The following MGAT4C variants were observed in gnomAD, a reference collection of about 807,000 sequenced individuals.
MGAT4C encodes MGAT4 family member C.
In MGAT4C, 19 loss-of-function variants were observed where a neutral mutation model predicts 40.1. The ratio of observed to expected loss-of-function variants is 0.47; its 90% confidence interval spans 0.33 to 0.70. The LOEUF (loss-of-function observed/expected upper bound fraction) is 0.70. Ranked by LOEUF, MGAT4C falls within the 30% of genes least tolerant of loss-of-function variation. The pLI is 0.02. For synonymous variants in MGAT4C, 181 were observed against 187.1 expected (o/e 0.97, Z 0.27); for missense variants, 491 against 563.2 (o/e 0.87, Z 1.30).
At chr12:86,771,218 C>A (rs1951629090) in intron 1 of MGAT4C, among the ~76,000 whole-genome samples, 1 of 152,082 alleles carries the variant, frequency 6.6e-6, no homozygotes, top group Non-Finnish European at 1.5e-5. Flanking sequence ...AGACTCCTAG[C>A]CTACAGAATT....
Position 85,960,032 on chromosome 12 carries a change from G to A in MGAT4C, c.*19257C>T, listed in dbSNP as rs1031586646. ...CAAATAGCTATATAAAATGCAATTC[G>A]GTATTAAAGAAAATTGTTGCACGGA... On this transcript the variant is annotated 3_prime_UTR_variant, in exon 5 of 5. Coordinates refer to ENST00000611864, the MANE Select transcript of MGAT4C (RefSeq NM_001351288.2). 1.3e-5 allele frequency: 2 copies of A among 151,660 alleles called. No homozygotes were observed. The highest frequency in any genetic ancestry group is 2.4e-5 in the African/African-American group (1 of 41,308). 9.4% of individuals were successfully genotyped at this position (151,660 alleles called of 1,614,324 possible).
In MGAT4C at chr12:85,973,070, G is replaced by A. The variant is rs1300044696; in HGVS notation, c.*6219C>T. 1 of 150,678 alleles carries A rather than the reference G, an allele frequency of 6.6e-6. No individual in the cohort carries two copies. The highest frequency in any genetic ancestry group is 6.6e-5 in the Admixed American group (1 of 15,084). The allele number at this position is 150,678 out of a possible 1,614,324, so 9.3% of individuals were successfully genotyped here. ...GTTACAAAAAAAGTACTTTTTAAATGTCTAGTTTCTAATAGAGTTAGAGCT... is the reference window on the plus strand; with the variant it reads ...GTTACAAAAAAAGTACTTTTTAAATATCTAGTTTCTAATAGAGTTAGAGCT... On this transcript the variant is annotated 3_prime_UTR_variant, in exon 5 of 5. Transcript: ENST00000611864.
chr12:86,295,716 A>G (rs1039798002), intron 4 of MGAT4C, among the ~76,000 whole-genome samples: 6 of 152,092 alleles, frequency 3.9e-5, no homozygotes, highest in African/African-American at 1.2e-4. Flanking sequence ...ACAATCCCTG[A>G]GCTAGATACA....
intron 2 of MGAT4C, among the ~76,000 whole-genome samples, chr12:86,549,745 T>C (rs1267886807): frequency 1.5e-4 from 23 of 152,122 alleles, no homozygotes; most frequent in Admixed American, 1.5e-3. Flanking sequence ...AGCTAAGATT[T>C]GACTGGAGGG....
intron 2 of MGAT4C, among the ~76,000 whole-genome samples, chr12:86,453,883 C>T (rs1284567612): frequency 2.6e-5 from 4 of 151,894 alleles, no homozygotes; most frequent in Non-Finnish European, 1.5e-5. Flanking sequence ...ATCAACTCTC[C>T]ATATCAAATT....
chr12:86,191,408 A>G (rs1420523611), intron 1 of MGAT4C, among the ~76,000 whole-genome samples: 1 of 151,926 alleles, frequency 6.6e-6, no homozygotes, highest in African/African-American at 2.4e-5. Flanking sequence ...CATTGAAAAT[A>G]TCTCCTAATC....
At chr12:86,656,220 T>C (rs1963846708) in intron 2 of MGAT4C, among the ~76,000 whole-genome samples, 1 of 152,060 alleles carries the variant, frequency 6.6e-6, no homozygotes, top group South Asian at 2.1e-4. Flanking sequence ...CATATTATGT[T>C]ACTGATAAAT....
At chr12:86,704,461 A>C (rs963234264) in intron 2 of MGAT4C, among the ~76,000 whole-genome samples, 3 of 152,272 alleles carry the variant, frequency 2.0e-5, no homozygotes, top group African/African-American at 7.2e-5. Flanking sequence ...GTTATTTTAT[A>C]ATTTTTATTA....
chr12:86,800,402 G>A (rs1253318048), intron 1 of MGAT4C, among the ~76,000 whole-genome samples: 3 of 151,816 alleles, frequency 2.0e-5, no homozygotes, highest in Non-Finnish European at 4.4e-5. Flanking sequence ...TTTGTGACCT[G>A]CTTGCCTTCT....
chr12:86,421,514 G>A (rs983966770), intron 3 of MGAT4C, among the ~76,000 whole-genome samples: 6 of 152,196 alleles, frequency 3.9e-5, no homozygotes, highest in African/African-American at 1.4e-4. Context: ...GCTCACGCCT[G>A]TAGTCCCAGC....
intron 1 of MGAT4C, among the ~76,000 whole-genome samples, chr12:86,237,399 T>C (rs1193510808): frequency 6.6e-6 from 1 of 151,858 alleles, no homozygotes; most frequent in Non-Finnish European, 1.5e-5. Context: ...GTACCGAGCA[T>C]GCTTTAAACA....
intron 2 of MGAT4C, among the ~76,000 whole-genome samples, chr12:86,004,705 T>C (rs1337612897): frequency 1.3e-5 from 2 of 152,198 alleles, no homozygotes; most frequent in African/African-American, 4.8e-5. Context: ...TTTGACAGTT[T>C]GTTGGTTCTT....
chr12:86,792,323 GA>G (rs760576047), intron 1 of MGAT4C, among the ~76,000 whole-genome samples: 3 of 152,014 alleles, frequency 2.0e-5, no homozygotes, highest in Non-Finnish European at 4.4e-5. Context: ...AAATATAGAA[GA>G]AAATGTATCC....
chr12:86,165,013 A>C lies in MGAT4C; in HGVS notation c.-57+91226T>G, dbSNP rs183339478. On this transcript the variant is annotated intron_variant, in intron 1 of 4. Coordinates refer to ENST00000611864, the MANE Select transcript of MGAT4C (RefSeq NM_001351288.2). Reference sequence around the variant, plus strand: ...GGGACATATGGTTGTTAAAATGAGTAGTCCATTCAGGTTTAAAATGATATT... The same window carrying C: ...GGGACATATGGTTGTTAAAATGAGTCGTCCATTCAGGTTTAAAATGATATT... 8.5e-5 allele frequency among the ~76,000 whole-genome samples: 13 copies of C among 152,310 alleles called. No homozygotes were observed. The East Asian group carries it at 2.3e-3, about 27-fold the overall frequency.
intron 1 of MGAT4C, among the ~76,000 whole-genome samples, chr12:86,090,383 T>C (rs1000794469): frequency 6.6e-6 from 1 of 151,784 alleles, no homozygotes; most frequent in Non-Finnish European, 1.5e-5. Context: ...TTAATTTTCA[T>C]TTGGGTGGAG....
intron 2 of MGAT4C, among the ~76,000 whole-genome samples, chr12:86,595,210 G>A (rs1231392273): frequency 6.6e-6 from 1 of 152,032 alleles, no homozygotes; most frequent in Admixed American, 6.6e-5. Context: ...AGCAAGGTTT[G>A]GTTCATCCTT....
At chr12:86,384,484 C>G (rs553492602) in intron 3 of MGAT4C, among the ~76,000 whole-genome samples, 1 of 152,232 alleles carries the variant, frequency 6.6e-6, no homozygotes, top group East Asian at 1.9e-4. Flanking sequence ...ATCCCAGCCC[C>G]AGTAAGGCAG....
chr12:86,590,573 T>C (rs1330635223), intron 2 of MGAT4C, among the ~76,000 whole-genome samples: 1 of 152,058 alleles, frequency 6.6e-6, no homozygotes, highest in African/African-American at 2.4e-5. Context: ...CTTGTATACA[T>C]ATGGCTCCCT....
At position 86,740,419 on chromosome 12, in the gene MGAT4C, C is replaced by A. The variant is rs182232269; in HGVS notation, c.-261-13178G>T. On this transcript the variant is annotated intron_variant, in intron 1 of 7. Transcript: ENST00000548651. ...AGTTTGTAGAAGTGTGTTTATAACACTGAAATAAAATTGAAAGACTAAATG... is the reference window on the plus strand; with the variant it reads ...AGTTTGTAGAAGTGTGTTTATAACAATGAAATAAAATTGAAAGACTAAATG... 5.3e-5 allele frequency among the ~76,000 whole-genome samples: 8 copies of A among 150,908 alleles called. No individual in the cohort carries two copies. The East Asian group carries it at 1.4e-3, about 26-fold the overall frequency.
Sources: allele counts gnomAD v4.1 joint callset (sites outside exome capture counted in the v4.1 genomes callset), GRCh38; gene constraint gnomAD v4.1.1; transcripts MANE v1.5; gene names NCBI Gene and HGNC (gene_info 2026-07-23, HGNC 2026-07-21).